The following PKNOX2 variants were observed in gnomAD, a reference collection of about 807,000 sequenced individuals.
PKNOX2 encodes the protein PBX/knotted 1 homeobox 2.
In PKNOX2, 14 loss-of-function variants were observed where a neutral mutation model predicts 53.1. The observed-to-expected ratio is 0.26, with a 90% CI of 0.17 to 0.41. The LOEUF is 0.41. Among genes scored for constraint, PKNOX2 ranks in the 10% least tolerant of loss-of-function variants. The pLI, the probability that PKNOX2 is intolerant of heterozygous loss-of-function variation, is 1.00. For missense variants in PKNOX2, 496 were observed against 602.8 expected, an observed-to-expected ratio of 0.82 and a Z score of 1.85; for synonymous variants, 257 against 242.8, an observed-to-expected ratio of 1.06 and a Z score of -0.54.
At chr11:125,362,762 T>C (rs1355099577) in intron 4 of PKNOX2, among the ~76,000 whole-genome samples, 1 of 152,210 alleles carries the variant, frequency 6.6e-6, no homozygotes, top group Non-Finnish European at 1.5e-5. Context: ...GAAGCATCTG[T>C]GGGGGCTTTG....
intron 2 of PKNOX2, among the ~76,000 whole-genome samples, chr11:125,316,450 T>C (rs1565495426): frequency 6.6e-6 from 1 of 152,206 alleles, no homozygotes; most frequent in Non-Finnish European, 1.5e-5. Flanking sequence ...AGAGGTAGCC[T>C]TCCCAATCTT....
intron 7 of PKNOX2, among the ~76,000 whole-genome samples, chr11:125,403,111 G>A (rs75438789): frequency 0.03 from 4,545 of 152,294 alleles, 194 homozygotes; most frequent in African/African-American, 0.089. Context: ...AATCCCTAGA[G>A]AGGAGATGGG....
intron 2 of PKNOX2, chr11:125,266,883 G>A (rs1945395513): frequency 6.6e-6 from 1 of 152,268 alleles, no homozygotes; most frequent in South Asian, 2.1e-4. Context: ...GGGGAAATGA[G>A]GAGAAAGAAC....
At chr11:125,382,867 G>A (rs796402392) in intron 5 of PKNOX2, among the ~76,000 whole-genome samples, 41 of 152,268 alleles carry the variant, frequency 2.7e-4, no homozygotes, top group African/African-American at 9.4e-4. Context: ...CCAGCTTCCC[G>A]GTAGATCTTT....
At chr11:125,361,709 C>T (rs1348873538) in intron 4 of PKNOX2, among the ~76,000 whole-genome samples, 1 of 152,196 alleles carries the variant, frequency 6.6e-6, no homozygotes, top group Admixed American at 6.5e-5. Context: ...TATCCCACCC[C>T]ATCTTTTATG....
At chr11:125,301,158 C>T (rs547334218) in intron 2 of PKNOX2, among the ~76,000 whole-genome samples, 8 of 152,234 alleles carry the variant, frequency 5.3e-5, no homozygotes, top group Admixed American at 3.3e-4. Flanking sequence ...GTTCAGGGAG[C>T]GCTGTTTGGA....
At chr11:125,361,492 AT>A (rs2136245935) in intron 4 of PKNOX2, among the ~76,000 whole-genome samples, 1 of 152,308 alleles carries the variant, frequency 6.6e-6, no homozygotes, top group East Asian at 1.9e-4. Context: ...AACTAGTTCT[AT>A]CTGAAACCCA....
At chr11:125,368,613 T>C (rs1410156244) in intron 5 of PKNOX2, among the ~76,000 whole-genome samples, 3 of 152,256 alleles carry the variant, frequency 2.0e-5, no homozygotes, top group Non-Finnish European at 4.4e-5. Context: ...CTGTAGGTTC[T>C]GGCACTTTTC....
At chr11:125,347,354 GC>G (rs1951033573) in intron 3 of PKNOX2, among the ~76,000 whole-genome samples, 2 of 152,306 alleles carry the variant, frequency 1.3e-5, no homozygotes, top group African/African-American at 4.8e-5. Context: ...CGGCACACTG[GC>G]CCAATTACTG....
At chr11:125,330,509 T>A (rs1021612387) in intron 2 of PKNOX2, 1 of 152,276 alleles carries the variant, frequency 6.6e-6, no homozygotes. Context: ...GTTTTTGTTT[T>A]AATCCAGAGA....
intron 2 of PKNOX2, among the ~76,000 whole-genome samples, chr11:125,269,735 C>T (rs1945645248): frequency 6.6e-6 from 1 of 152,196 alleles, no homozygotes; most frequent in South Asian, 2.1e-4. Context: ...GTCCAGGTCT[C>T]TTCAAGTGCA....
In PKNOX2 at chr11:125,426,644, C is replaced by G. The variant is rs890553870; in HGVS notation, c.937-2368C>G. Among the ~76,000 whole-genome samples, 5 of 146,878 alleles carry G rather than the reference C, an allele frequency of 3.4e-5. No individual in the cohort carries two copies. In the Admixed American group the frequency reaches 3.5e-4, roughly 10 times the overall value. ...ACGGCCACTAGCTCTGCTCAAGAAA[C>G]AAGTCTGCGTCTCCTTATTGTGCTA... On this transcript the variant is annotated intron_variant, in intron 10 of 12. Transcript: ENST00000298282.
At chr11:125,313,058 G>C (rs1948925042) in intron 2 of PKNOX2, among the ~76,000 whole-genome samples, 3 of 152,172 alleles carry the variant, frequency 2.0e-5, no homozygotes, top group Admixed American at 1.3e-4. Context: ...AGGGCAACAG[G>C]GAGCTTAGAC....
intron 2 of PKNOX2, among the ~76,000 whole-genome samples, chr11:125,250,561 AGC>A (rs1242967208): frequency 2.0e-5 from 3 of 152,304 alleles, no homozygotes; most frequent in Non-Finnish European, 2.9e-5. Flanking sequence ...ACCTGGGCCT[AGC>A]GCTAGTCTGG....
chr11:125,279,001 C>G (rs909400094), intron 2 of PKNOX2, among the ~76,000 whole-genome samples: 11 of 152,338 alleles, frequency 7.2e-5, no homozygotes, highest in African/African-American at 2.4e-4. Context: ...CCACTATGGT[C>G]TGGCTGTACC....
At chr11:125,418,160 C>A (rs1017787171) in intron 10 of PKNOX2, among the ~76,000 whole-genome samples, 5 of 152,010 alleles carry the variant, frequency 3.3e-5, no homozygotes, top group African/African-American at 1.2e-4. Context: ...TCCCCAGCCC[C>A]TGGCAACCAT....
intron 10 of PKNOX2, among the ~76,000 whole-genome samples, chr11:125,414,205 C>G (rs1164464300): frequency 6.6e-6 from 1 of 152,138 alleles, no homozygotes; most frequent in Non-Finnish European, 1.5e-5. Context: ...GAAGTAGTAG[C>G]TGAGCACAGA....
chr11:125,257,797 CT>C (rs1944522707), intron 2 of PKNOX2, among the ~76,000 whole-genome samples: 1 of 152,218 alleles, frequency 6.6e-6, no homozygotes, highest in South Asian at 2.1e-4. Context: ...TTTTCTGCCC[CT>C]CTGAAGCTTG....
At chr11:125,266,958 A>G (rs1014258218) in intron 2 of PKNOX2, among the ~76,000 whole-genome samples, 13 of 152,178 alleles carry the variant, frequency 8.5e-5, no homozygotes, top group Admixed American at 5.2e-4. Flanking sequence ...GGCAAGCACT[A>G]TATCTCCCTT....
Sources: allele counts gnomAD v4.1 joint callset (sites outside exome capture counted in the v4.1 genomes callset), GRCh38; gene constraint gnomAD v4.1.1; transcripts MANE v1.5; gene names NCBI Gene and HGNC (gene_info 2026-07-23, HGNC 2026-07-21).